The following SPOCK1 variants were observed in gnomAD, a reference collection of about 807,000 sequenced individuals.
The protein encoded by SPOCK1 is SPARC (osteonectin), cwcv and kazal like domains proteoglycan 1.
A neutral mutation model predicts 55.3 loss-of-function variants in SPOCK1; 23 were observed. The observed-to-expected ratio is 0.42, with a 90% confidence interval of 0.30 to 0.59. The LOEUF is 0.59. Ranked by LOEUF, SPOCK1 falls within the 20% of genes least tolerant of loss-of-function variation. SPOCK1 has a pLI of 0.22. For missense variants in SPOCK1, 499 were observed against 552.5 expected, an observed-to-expected ratio of 0.90 and a Z score of 0.97; for synonymous variants, 226 against 221.0, an observed-to-expected ratio of 1.02 and a Z score of -0.20.
Position 137,181,939 on chromosome 5 carries a change from C to T in SPOCK1, c.233-41245G>A, listed in dbSNP as rs183349673. Among the ~76,000 whole-genome samples, 940 of 152,260 alleles carry T rather than the reference C, an allele frequency of 6.2e-3. 2 individuals carry two copies. The highest frequency in any genetic ancestry group is 0.011 in the Non-Finnish European group (746 of 68,028). On this transcript the variant is annotated intron_variant, in intron 3 of 10. Transcript: ENST00000394945. ...TGACATGCTCCCAGTGGTCCAGGCC[C>T]CAAGGCACTCCTCTGCTGAACCTCC...
At chr5:137,272,268 G>C (rs1311843063) in intron 2 of SPOCK1, among the ~76,000 whole-genome samples, 3 of 152,144 alleles carry the variant, frequency 2.0e-5, no homozygotes, top group Non-Finnish European at 4.4e-5. Flanking sequence ...TACTTGACTG[G>C]GGGGAATAGG....
intron 3 of SPOCK1, among the ~76,000 whole-genome samples, chr5:137,197,602 T>G (rs1755327878): frequency 6.6e-6 from 1 of 152,234 alleles, no homozygotes; most frequent in South Asian, 2.1e-4. Context: ...AGAATAAAAT[T>G]TGGTAACACA....
chr5:137,039,462 T>C (rs1358245619), intron 6 of SPOCK1, among the ~76,000 whole-genome samples: 2 of 152,140 alleles, frequency 1.3e-5, no homozygotes, highest in African/African-American at 4.8e-5. Context: ...GTTACTACTT[T>C]TCCTCAGTAT....
chr5:137,400,084 A>C (rs551933769), intron 2 of SPOCK1, among the ~76,000 whole-genome samples: 19 of 152,246 alleles, frequency 1.2e-4, no homozygotes, highest in Non-Finnish European at 2.4e-4. Context: ...ATTCATCTGC[A>C]AAAGCCTGGC....
chr5:137,051,050 A>T (rs1049240265), intron 6 of SPOCK1, among the ~76,000 whole-genome samples: 3 of 152,224 alleles, frequency 2.0e-5, no homozygotes, highest in African/African-American at 7.2e-5. Flanking sequence ...TTTCAAAATG[A>T]TTTTGAATAT....
rs1284324695 is a variant in SPOCK1, at chr5:137,356,797, TAATATATATATATATATA to T, written c.187-89760_187-89743del. ...TAGAGCAAGACTGTCTCAAAAAAAA[TAATATATATATATATATA>T]TATATATATATATATATATATATAG... On this transcript the variant is annotated intron_variant, in intron 2 of 10. Coordinates refer to ENST00000394945, the MANE Select transcript of SPOCK1 (RefSeq NM_004598.4). Among the ~76,000 whole-genome samples the T allele has an allele frequency of 6.2e-3, 150 of 24,372 alleles. 4 individuals carry two copies. Among genetic ancestry groups the T allele is most frequent in the South Asian group, 0.03 (23 of 764 alleles). 16.0% of individuals were successfully genotyped at this position (24,372 alleles called of 152,430 possible). A position where few individuals can be genotyped will look rare whatever the true frequency, so the allele number is the denominator to read the frequency against.
intron 3 of SPOCK1, among the ~76,000 whole-genome samples, chr5:137,189,799 G>A (rs566795727): frequency 3.9e-5 from 6 of 152,172 alleles, no homozygotes; most frequent in South Asian, 4.2e-4. Context: ...AAAACCTTCC[G>A]AAAATGATTC....
chr5:137,101,611 C>A (rs1189926123), intron 5 of SPOCK1, among the ~76,000 whole-genome samples: 1 of 152,246 alleles, frequency 6.6e-6, no homozygotes, highest in Non-Finnish European at 1.5e-5. Flanking sequence ...TCTGCTCTAA[C>A]TTCATGACTA....
At chr5:137,189,004 G>C (rs762922003) in intron 3 of SPOCK1, among the ~76,000 whole-genome samples, 1 of 152,218 alleles carries the variant, frequency 6.6e-6, no homozygotes, top group Non-Finnish European at 1.5e-5. Context: ...CCAGAGCAAG[G>C]CCCTAATTCT....
At chr5:137,366,293 C>CT (rs150521154) in intron 2 of SPOCK1, among the ~76,000 whole-genome samples, 5,203 of 152,202 alleles carry the variant, frequency 0.034, 162 homozygotes, top group African/African-American at 0.09. Context: ...TTGGAGCTGT[C>CT]TTATCAAAAT....
At chr5:137,430,866 C>T (rs544345159) in intron 2 of SPOCK1, among the ~76,000 whole-genome samples, 2 of 152,338 alleles carry the variant, frequency 1.3e-5, no homozygotes, top group South Asian at 4.1e-4. Flanking sequence ...GGCAGAGTCA[C>T]CCATCCACTT....
At chr5:137,134,589 T>A (rs1753946180) in intron 4 of SPOCK1, among the ~76,000 whole-genome samples, 1 of 152,220 alleles carries the variant, frequency 6.6e-6, no homozygotes, top group Non-Finnish European at 1.5e-5. Context: ...GTAATGAATG[T>A]GGGCACAATC....
intron 3 of SPOCK1, among the ~76,000 whole-genome samples, chr5:137,191,310 A>T (rs1194803277): frequency 6.6e-6 from 1 of 152,192 alleles, no homozygotes; most frequent in Non-Finnish European, 1.5e-5. Context: ...TCCTTAGTTA[A>T]TATGTATCTA....
At chr5:137,150,486 A>G (rs1202670810) in intron 3 of SPOCK1, among the ~76,000 whole-genome samples, 2 of 152,274 alleles carry the variant, frequency 1.3e-5, no homozygotes, top group Admixed American at 6.5e-5. Context: ...TCACTATTGA[A>G]GAGTCACAGA....
chr5:137,173,683 G>A (rs1754798010), intron 3 of SPOCK1, among the ~76,000 whole-genome samples: 1 of 152,130 alleles, frequency 6.6e-6, no homozygotes, highest in East Asian at 1.9e-4. Context: ...TAGTTTGAAT[G>A]GCATATGAGG....
intron 2 of SPOCK1, among the ~76,000 whole-genome samples, chr5:137,361,998 C>G (rs952546908): frequency 6.6e-6 from 1 of 152,090 alleles, no homozygotes; most frequent in Non-Finnish European, 1.5e-5. Flanking sequence ...CTCAGTAAGG[C>G]GAGCTGTTCA....
At chr5:137,300,604 T>C (rs1393538635) in intron 2 of SPOCK1, among the ~76,000 whole-genome samples, 1 of 152,210 alleles carries the variant, frequency 6.6e-6, no homozygotes, top group East Asian at 1.9e-4. Context: ...CTTCCAGACT[T>C]TTCCTGTTGC....
chr5:137,306,334 G>A (rs1001030629), intron 2 of SPOCK1, among the ~76,000 whole-genome samples: 3 of 152,166 alleles, frequency 2.0e-5, no homozygotes, highest in African/African-American at 7.2e-5. Context: ...CAATAGGAGT[G>A]TCCCCGATAA....
chr5:137,238,839 A>C (rs1756231811), intron 3 of SPOCK1, among the ~76,000 whole-genome samples: 1 of 152,260 alleles, frequency 6.6e-6, no homozygotes. Flanking sequence ...AGTGAGATAT[A>C]CACTTGATCT....
Sources: gnomAD v4.1 joint callset for allele counts (sites outside exome capture counted in the v4.1 genomes callset) on GRCh38, gnomAD v4.1.1 for gene constraint, MANE v1.5 for transcripts, NCBI Gene and HGNC (gene_info 2026-07-23, HGNC 2026-07-21) for gene names.